The following MARF1 variants were observed in gnomAD, a reference collection of about 807,000 sequenced individuals.
MARF1 encodes limkain-b1.
In MARF1, 24 loss-of-function variants were observed where a neutral mutation model predicts 168.2. That is an observed-to-expected ratio of 0.14 (90% CI 0.10 to 0.20). The LOEUF (loss-of-function observed/expected upper bound fraction) is 0.20. Among genes scored for constraint, MARF1 ranks in the 10% least tolerant of loss-of-function variants. The pLI is 1.00. For synonymous variants in MARF1, 868 were observed against 822.4 expected, an observed-to-expected ratio of 1.06 and a Z score of -0.95; for missense variants, 1,744 against 2,143.6, an observed-to-expected ratio of 0.81 and a Z score of 3.68.
At chr16:15,640,572 T>G (rs961713680) in intron 1 of MARF1, among the ~76,000 whole-genome samples, 5 of 152,162 alleles carry the variant, frequency 3.3e-5, no homozygotes, top group Non-Finnish European at 7.4e-5. Context: ...GGTGCATGCC[T>G]GTAGCCCCAT....
rs1319395489 is a variant in MARF1 at position 15,596,766 on chromosome 16, G to A, written c.5156C>T (p.Pro1719Leu). The part of the protein sequence containing the change: ...SLLSKDPVES[P>L]AKKQPKNRVK... ...TCTATTTTTGGGTTGCTTTTTGGCC[G>A]GGCTTTCCACGGGGTCCTTGCTGAG... The change falls in exon 27 of 27, where the codon CCG becomes CTG. Residue 1719 changes from proline to leucine, a missense_variant. Around this residue, in one of 7 missense-constraint regions of MARF1, gnomAD observed 313 missense variants for 337.4 expected, o/e 0.93. Coordinates refer to ENST00000396368, the MANE Select transcript of MARF1 (RefSeq NM_014647.4). The A allele has an allele frequency of 1.9e-6, 3 of 1,612,026 alleles. No individual in the cohort carries two copies. Among genetic ancestry groups the A allele is most frequent in the Non-Finnish European group, 2.5e-6 (3 of 1,178,540 alleles).
At chr16:15,618,479 C>A (rs1411873466) in intron 13 of MARF1, among the ~76,000 whole-genome samples, 1 of 152,162 alleles carries the variant, frequency 6.6e-6, no homozygotes, top group Non-Finnish European at 1.5e-5. Flanking sequence ...TGGATTTTAG[C>A]CACAGGACTC....
rs1177336193 is a variant in MARF1, at chr16:15,622,024, G to T, written c.2461-113C>A. The T allele has an allele frequency of 7.6e-6, 7 of 921,564 alleles. No homozygotes were observed. The African/African-American group carries it at 9.9e-5, about 13-fold the overall frequency. The allele number at this position is 921,564 out of a possible 1,614,324, so 57.1% of individuals were successfully genotyped here. On this transcript the variant is annotated intron_variant, in intron 11 of 26. Transcript: ENST00000396368. ...TTGTCGACTGCAGCGCTTCCATGAA[G>T]GAGTATGTCTGAACTCTGCTCTTCT...
At chr16:15,619,465 C>T (rs187416873) in intron 13 of MARF1, among the ~76,000 whole-genome samples, 4 of 152,266 alleles carry the variant, frequency 2.6e-5, no homozygotes, top group South Asian at 4.1e-4. Flanking sequence ...ACCACTGCTA[C>T]GAGAAGAGTC....
rs2031553466 is a variant in MARF1, at chr16:15,595,116, T to G, written c.*1577A>C. 6.5e-6 allele frequency: 1 copy of G among 152,674 alleles called. No homozygotes were observed. Among genetic ancestry groups the G allele is most frequent in the African/African-American group, 2.4e-5 (1 of 41,464 alleles). 9.5% of individuals were successfully genotyped at this position (152,674 alleles called of 1,614,324 possible). A position where few individuals can be genotyped will look rare whatever the true frequency, so the allele number is the denominator to read the frequency against. The stretch of plus-strand genomic sequence containing the variant: ...GCATTTCACTTCCTGTAACACTATG[T>G]CTGTAGAGGAAATGCCTTCAGGAGG... On this transcript the variant is annotated 3_prime_UTR_variant, in exon 27 of 27. Coordinates refer to ENST00000396368, the MANE Select transcript of MARF1 (RefSeq NM_014647.4).
intron 7 of MARF1, among the ~76,000 whole-genome samples, chr16:15,627,494 T>C (rs1010697638): frequency 2.0e-5 from 3 of 152,142 alleles, no homozygotes; most frequent in Non-Finnish European, 4.4e-5. Context: ...GGCGGGCGCC[T>C]GTAATCCCAG....
In MARF1 at chr16:15,633,170, A is replaced by C. The variant is rs1243298018; in HGVS notation, c.1233+447T>G. On this transcript the variant is annotated intron_variant, in intron 5 of 26. Coordinates refer to ENST00000396368, the MANE Select transcript of MARF1 (RefSeq NM_014647.4). ...TCAATCAGAATTCTAAAAAAAAAAA[A>C]AACACCACACACACACACACACACA... is the stretch of plus-strand genomic sequence containing the variant. Among the ~76,000 whole-genome samples the C allele has an allele frequency of 5.2e-5, 7 of 134,086 alleles. No homozygotes were observed. In the Admixed American group the frequency reaches 5.5e-4, roughly 11 times the overall value. The allele number at this position is 134,086 out of a possible 152,430, so 88.0% of individuals were successfully genotyped here. A position where few individuals can be genotyped will look rare whatever the true frequency, so the allele number is the denominator to read the frequency against.
At position 15,609,607 on chromosome 16, in the gene MARF1, G is replaced by A. The variant is rs370727946; in HGVS notation, c.3870C>T (p.His1290=). 1 of 1,614,180 alleles carries A rather than the reference G, an allele frequency of 6.2e-7. No homozygotes were observed. The highest frequency in any genetic ancestry group is 8.5e-7 in the Non-Finnish European group (1 of 1,180,024). ...CAAGTTTGCACTGCCGGCCAAAGTG[G>A]TGATGGTAAGAAGGGATAAATTTAT... is the stretch of plus-strand genomic sequence containing the variant. The part of the protein sequence containing the change: ...PFNKFIPSYH[H]HFGRQCKLAY... Residue 1290 remains histidine, a synonymous_variant, in exon 20 of 27, where the codon CAC becomes CAT. Coordinates refer to ENST00000396368, the MANE Select transcript of MARF1 (RefSeq NM_014647.4).
At chr16:15,614,196 G>GT (rs1340479080) in intron 16 of MARF1, among the ~76,000 whole-genome samples, 1 of 152,000 alleles carries the variant, frequency 6.6e-6, no homozygotes, top group Non-Finnish European at 1.5e-5. Context: ...TAAAGACAGA[G>GT]TTTCGGCCAG....
At chr16:15,618,093 C>G (rs902662089) in intron 13 of MARF1, among the ~76,000 whole-genome samples, 15 of 152,170 alleles carry the variant, frequency 9.9e-5, no homozygotes, top group African/African-American at 3.4e-4. Context: ...TGACCTTAGT[C>G]AAGTTCCACG....
Position 15,616,025 on chromosome 16 carries a change from C to CA in MARF1, c.3078-21dup, listed in dbSNP as rs373212514. 5.4e-5 allele frequency: 79 copies of CA among 1,452,346 alleles called. No individual in the cohort carries two copies. Among genetic ancestry groups the CA allele is most frequent in the African/African-American group, 4.9e-4 (34 of 68,804 alleles). 90.0% of individuals were successfully genotyped at this position (1,452,346 alleles called of 1,614,324 possible). On this transcript the variant is annotated intron_variant, in intron 15 of 26. Coordinates refer to ENST00000396368, the MANE Select transcript of MARF1 (RefSeq NM_014647.4). Reference sequence around the variant, plus strand: ...GGAAAGCTGAAATAGGAAAAAACAACAAAAAAAGGAAAGGTTAAATCAAAA... The same window carrying CA: ...GGAAAGCTGAAATAGGAAAAAACAACAAAAAAAAGGAAAGGTTAAATCAAAA...
intron 12 of MARF1, chr16:15,621,442 C>T (rs1449523021): frequency 2.6e-6 from 1 of 387,306 alleles, no homozygotes; most frequent in East Asian, 4.7e-5. Context: ...ACTTTTCAGG[C>T]TTATAAACTT....
In MARF1 at chr16:15,636,318, C is replaced by T. The variant is rs916632075; in HGVS notation, c.169G>A (p.Val57Ile). Reference sequence around the variant, plus strand: ...GGTACATCCTTTAGTTCCACAGCAACTTTCTTGTTCTCCATGTACTCTTTC... The same window carrying T: ...GGTACATCCTTTAGTTCCACAGCAATTTTCTTGTTCTCCATGTACTCTTTC... ...QTKEYMENKK[V>I]AVELKDVPSP... Residue 57 changes from valine to isoleucine, a missense_variant, in exon 3 of 27, where the codon GTT becomes ATT. This residue lies in a region of MARF1 where 318 missense variants were observed against 336.6 expected (regional missense o/e 0.94). Transcript: ENST00000396368. The T allele has an allele frequency of 1.9e-6, 3 of 1,564,766 alleles. No individual in the cohort carries two copies. The highest frequency in any genetic ancestry group is 1.9e-5 in the Admixed American group (1 of 51,760).
chr16:15,597,078 T>A (rs147691151), intron 26 of MARF1, 141 bp from the exon 27 acceptor site: 5 of 939,180 alleles, frequency 5.3e-6, no homozygotes, highest in Non-Finnish European at 4.6e-6. Context: ...ACAGTTTACA[T>A]ATGAGTTGTG....
In MARF1 at chr16:15,596,680, T is replaced by C. The variant is rs1357942618; in HGVS notation, c.*13A>G. 1 of 1,566,352 alleles carries C rather than the reference T, an allele frequency of 6.4e-7. No individual in the cohort carries two copies. The highest frequency in any genetic ancestry group is 2.3e-5 in the East Asian group (1 of 43,936). ...AGTGTTTTCCCATCCTAATTCTATATTCCAAATGGGAGTTAAAGCTTGGTT... is the reference window on the plus strand; with the variant it reads ...AGTGTTTTCCCATCCTAATTCTATACTCCAAATGGGAGTTAAAGCTTGGTT... On this transcript the variant is annotated 3_prime_UTR_variant, in exon 27 of 27. Transcript: ENST00000396368.
intron 12 of MARF1, 102 bp from the exon 13 acceptor site, chr16:15,620,633 T>C: frequency 1.4e-6 from 1 of 707,178 alleles, no homozygotes; most frequent in East Asian, 2.9e-5. Context: ...GCAAAATAAA[T>C]TTACGGATTT....
Position 15,617,087 on chromosome 16 carries a change from A to T in MARF1, c.3042T>A (p.Leu1014=). 1 of 1,614,174 alleles carries T rather than the reference A, an allele frequency of 6.2e-7. No individual in the cohort carries two copies. Among genetic ancestry groups the T allele is most frequent in the Non-Finnish European group, 8.5e-7 (1 of 1,180,018 alleles). ...LKTFAPQVHS[L]LQTHEGTVPL... is the part of the protein sequence containing the mutation. ...GCACGGTGCCCTCGTGGGTCTGGAG[A>T]AGACTGTGAACCTGGGGCGCAAATG... The change falls in exon 15 of 27, where the codon CTT becomes CTA. Residue 1014 remains leucine (L), a synonymous_variant. Coordinates refer to ENST00000396368, the MANE Select transcript of MARF1 (RefSeq NM_014647.4).
intron 16 of MARF1, among the ~76,000 whole-genome samples, chr16:15,615,031 T>G (rs1029836181): frequency 3.3e-5 from 5 of 152,012 alleles, no homozygotes; most frequent in African/African-American, 1.2e-4. Flanking sequence ...TTTACCCACC[T>G]CAGCTTCCCA....
intron 15 of MARF1, chr16:15,616,661 T>G (rs2034072892): frequency 5.6e-6 from 1 of 177,404 alleles, no homozygotes; most frequent in South Asian, 1.7e-4. Context: ...GAGAACATCA[T>G]CAGGTGCACT....
Sources: gnomAD v4.1 joint callset for allele counts (sites outside exome capture counted in the v4.1 genomes callset) on GRCh38, gnomAD v4.1.1 for gene constraint, gnomAD v4.1.1 regional missense constraint, MANE v1.5 for transcripts, NCBI Gene and HGNC (gene_info 2026-07-23, HGNC 2026-07-21) for gene names.